ACYP2: variants seen among roughly 807,000 people sequenced by gnomAD.
ACYP2 encodes the protein acylphosphatase-2.
In ACYP2, 12 loss-of-function variants were observed where a neutral mutation model predicts 11.2. That is an observed-to-expected ratio of 1.08 (90% CI 0.69 to 1.74). The LOEUF is 1.74. Among genes scored for constraint, ACYP2 ranks in the 40% most tolerant of loss-of-function variants. The pLI, the probability that ACYP2 is intolerant of heterozygous loss-of-function variation, is 0.00. For synonymous variants in ACYP2, 43 were observed against 32.2 expected (o/e 1.33, Z -1.13); for missense variants, 134 against 101.9 (o/e 1.31, Z -1.35).
chr2:53,989,277 C>CT (rs775237196), intron 2 of ACYP2, among the ~76,000 whole-genome samples: 25,718 of 94,828 alleles, frequency 0.27, 3,996 homozygotes, highest in South Asian at 0.43. Context: ...GTAGACAATT[C>CT]TTTTTTTTTT....
chr2:54,094,287 G>A (rs1678395498), intron 4 of ACYP2, among the ~76,000 whole-genome samples: 1 of 151,750 alleles, frequency 6.6e-6, no homozygotes, highest in South Asian at 2.1e-4. Context: ...GAGTGCAGTG[G>A]TGCCATCTCG....
intron 4 of ACYP2, among the ~76,000 whole-genome samples, chr2:54,070,573 A>T (rs1558507391): frequency 2.6e-5 from 4 of 152,290 alleles, no homozygotes. Context: ...GTTATTTAAC[A>T]CATATTCCAG....
chr2:54,191,343 C>G (rs1202652477), intron 6 of ACYP2, among the ~76,000 whole-genome samples: 3 of 152,180 alleles, frequency 2.0e-5, no homozygotes, highest in African/African-American at 7.2e-5. Context: ...CCATGCTGGC[C>G]TCTCCTTGCT....
At chr2:54,031,082 C>T (rs1259709817) in intron 2 of ACYP2, among the ~76,000 whole-genome samples, 1 of 152,166 alleles carries the variant, frequency 6.6e-6, no homozygotes, top group Non-Finnish European at 1.5e-5. Context: ...CAGGTTATGT[C>T]TCATTGGTGT....
In ACYP2 at chr2:54,095,042, G is replaced by A. The variant is rs905853911; in HGVS notation, c.277+37682G>A. 1.2e-4 allele frequency among the ~76,000 whole-genome samples: 15 copies of A among 130,000 alleles called. 1 individual carries two copies. The highest frequency in any genetic ancestry group is 7.1e-4 in the South Asian group (3 of 4,252). 85.3% of individuals were successfully genotyped at this position (130,000 alleles called of 152,430 possible). A position where few individuals can be genotyped will look rare whatever the true frequency, so the allele number is the denominator to read the frequency against. On this transcript the variant is annotated intron_variant, in intron 4 of 6. Coordinates refer to ENST00000607452, the MANE Select transcript of ACYP2 (RefSeq NM_001320586.2). ...GGCAGAGGACCCTGCGGCCTTCCGC[G>A]GTGTTTGTGTCCCTGGGTACTTGAG...
chr2:54,137,206 TTTAGTCTTATAAAAACTC>T (rs1169422599), intron 5 of ACYP2, among the ~76,000 whole-genome samples: 1,718 of 152,240 alleles, frequency 0.011, 37 homozygotes, highest in African/African-American at 0.04. Flanking sequence ...ATCAGAATCT[TTTAGTCTTATAAAAACTC>T]TGCAAACCAG....
In ACYP2 at chr2:54,136,711, C is replaced by T. The variant is rs372996857; in HGVS notation, c.294+1242C>T. Among the ~76,000 whole-genome samples, 10 of 152,264 alleles carry T rather than the reference C, an allele frequency of 6.6e-5. No homozygotes were observed. The East Asian group carries it at 1.4e-3, about 21-fold the overall frequency. ...AGTTCTAAGGCCGGATGCAGTGGCT[C>T]GCGCCTGTAATCCCAGCACTTTGGG... On this transcript the variant is annotated intron_variant, in intron 5 of 6. Transcript: ENST00000607452.
chr2:53,992,393 T>C (rs1243788881), intron 2 of ACYP2, among the ~76,000 whole-genome samples: 1 of 152,170 alleles, frequency 6.6e-6, no homozygotes. Flanking sequence ...CTCTCCTGAC[T>C]CTGAATGGAC....
intron 2 of ACYP2, among the ~76,000 whole-genome samples, chr2:53,991,085 C>A (rs1394565147): frequency 6.6e-6 from 1 of 152,136 alleles, no homozygotes; most frequent in Non-Finnish European, 1.5e-5. Context: ...CGTGAGCCAC[C>A]GTGCCCTGTC....
At chr2:54,298,344 T>TTAAATA (rs10673805) in intron 6 of ACYP2, among the ~76,000 whole-genome samples, 86,859 of 151,382 alleles carry the variant, frequency 0.57, 25,714 homozygotes, top group African/African-American at 0.72. Flanking sequence ...TATGAAAGAT[T>TTAAATA]TAAAGGATAA....
chr2:54,276,686 T>A (rs949477785), intron 6 of ACYP2, among the ~76,000 whole-genome samples: 24 of 150,550 alleles, frequency 1.6e-4, no homozygotes, highest in African/African-American at 5.2e-4. Flanking sequence ...AATTGTTTTT[T>A]TCCTTTAGGG....
intron 6 of ACYP2, among the ~76,000 whole-genome samples, chr2:54,201,011 A>C (rs542948757): frequency 6.6e-6 from 1 of 152,080 alleles, no homozygotes; most frequent in East Asian, 1.9e-4. Context: ...TGATCATGTT[A>C]AAATCCTTTC....
At chr2:54,234,034 AG>A (rs1397242079) in intron 6 of ACYP2, among the ~76,000 whole-genome samples, 2 of 151,488 alleles carry the variant, frequency 1.3e-5, no homozygotes, top group Admixed American at 1.3e-4. Context: ...TATTAAGATT[AG>A]GGAACAAAAA....
intron 6 of ACYP2, among the ~76,000 whole-genome samples, chr2:54,243,525 C>T (rs549541358): frequency 4.6e-5 from 7 of 152,064 alleles, no homozygotes; most frequent in Middle Eastern, 3.2e-3. Flanking sequence ...GATGGAGTCT[C>T]GCTCTGTCGC....
At chr2:53,994,001 C>T (rs553030134) in intron 2 of ACYP2, among the ~76,000 whole-genome samples, 57 of 152,158 alleles carry the variant, frequency 3.7e-4, no homozygotes, top group African/African-American at 1.3e-3. Flanking sequence ...CTGGCTAACA[C>T]AGTGAAACCC....
At chr2:54,031,720 G>C (rs1674597621) in intron 2 of ACYP2, among the ~76,000 whole-genome samples, 1 of 152,146 alleles carries the variant, frequency 6.6e-6, no homozygotes. Context: ...CACAATGGTT[G>C]AACTAGTTTA....
intron 6 of ACYP2, among the ~76,000 whole-genome samples, chr2:54,154,859 A>C (rs1682361336): frequency 6.6e-6 from 1 of 152,128 alleles, no homozygotes; most frequent in Non-Finnish European, 1.5e-5. Context: ...TATTAGTTTA[A>C]ATGTTTGGCA....
chr2:54,195,243 A>C (rs985733726), intron 6 of ACYP2, among the ~76,000 whole-genome samples: 1 of 152,236 alleles, frequency 6.6e-6, no homozygotes, highest in African/African-American at 2.4e-5. Context: ...TGCCAGTCAC[A>C]AACCAATTTA....
intron 6 of ACYP2, among the ~76,000 whole-genome samples, chr2:54,286,382 TTA>T (rs1194443702): frequency 6.6e-6 from 1 of 152,002 alleles, no homozygotes; most frequent in Non-Finnish European, 1.5e-5. Context: ...TACTAAATGT[TTA>T]TCATGTTAGC....
Sources: gnomAD v4.1 joint callset for allele counts (sites outside exome capture counted in the v4.1 genomes callset) on GRCh38, gnomAD v4.1.1 for gene constraint, MANE v1.5 for transcripts, NCBI Gene and HGNC (gene_info 2026-07-23, HGNC 2026-07-21) for gene names.